The following CCDC73 variants were observed in gnomAD, a reference collection of about 807,000 sequenced individuals.
CCDC73 encodes coiled-coil domain containing 73.
CCDC73 carries 95 observed loss-of-function variants against 116.5 expected under a neutral mutation model. That is an observed-to-expected ratio of 0.82 (90% CI 0.69 to 0.97). The LOEUF (loss-of-function observed/expected upper bound fraction) is 0.97. CCDC73 is among the 50% of genes least tolerant of loss of function. The pLI is 0.00. For synonymous variants in CCDC73, 398 were observed against 401.3 expected, an observed-to-expected ratio of 0.99 and a Z score of 0.10; for missense variants, 1,066 against 1,206.8, an observed-to-expected ratio of 0.88 and a Z score of 1.73.
intron 2 of CCDC73, among the ~76,000 whole-genome samples, chr11:32,749,276 T>G (rs1196923017): frequency 6.6e-6 from 1 of 152,026 alleles, no homozygotes; most frequent in East Asian, 1.9e-4. Flanking sequence ...TCACTAATTC[T>G]TTCTTCTGCT....
the CCDC73 span, among the ~76,000 whole-genome samples, chr11:32,808,405 G>A: frequency 1.3e-5 from 2 of 152,226 alleles, no homozygotes; most frequent in Non-Finnish European, 2.9e-5. Context: ...TTGGGAGGCC[G>A]AGGTGGGCAG....
intron 13 of CCDC73, among the ~76,000 whole-genome samples, chr11:32,637,609 CACACAT>C (rs976182047): frequency 3.9e-5 from 6 of 151,980 alleles, no homozygotes; most frequent in African/African-American, 1.4e-4. Flanking sequence ...AACACACACA[CACACAT>C]ACACATACAC....
At chr11:32,680,175 A>G (rs183107723) in intron 7 of CCDC73, 4 of 152,336 alleles carry the variant, frequency 2.6e-5, no homozygotes, top group African/African-American at 9.6e-5. Flanking sequence ...GACTATCAAC[A>G]AATGGTTTAA....
chr11:32,665,018 A>C (rs1855967030), intron 9 of CCDC73, among the ~76,000 whole-genome samples: 1 of 152,174 alleles, frequency 6.6e-6, no homozygotes, highest in African/African-American at 2.4e-5. Context: ...CTGTGGTTTG[A>C]GAGACAGTTT....
At chr11:32,757,616 G>A (rs188423338) in intron 2 of CCDC73, among the ~76,000 whole-genome samples, 1 of 152,202 alleles carries the variant, frequency 6.6e-6, no homozygotes, top group African/African-American at 2.4e-5. Context: ...ACAGTCTCTG[G>A]GGGAGAATCC....
intron 3 of CCDC73, among the ~76,000 whole-genome samples, chr11:32,707,382 A>C (rs1590605594): frequency 6.7e-6 from 1 of 149,610 alleles, no homozygotes; most frequent in Non-Finnish European, 1.5e-5. Flanking sequence ...ACTCGAAGTT[A>C]CTTTTTTTTT....
At chr11:32,648,396 G>C (rs1290406116) in intron 12 of CCDC73, among the ~76,000 whole-genome samples, 1 of 152,128 alleles carries the variant, frequency 6.6e-6, no homozygotes, top group Non-Finnish European at 1.5e-5. Context: ...TAGAAGTCCT[G>C]ACCAGGCAAT....
At chr11:32,738,053 A>G (rs955102059) in intron 2 of CCDC73, among the ~76,000 whole-genome samples, 2 of 152,208 alleles carry the variant, frequency 1.3e-5, no homozygotes, top group Non-Finnish European at 2.9e-5. Flanking sequence ...TGAGTTATAC[A>G]TTCATATACA....
At chr11:32,724,745 A>G (rs1850016783) in intron 2 of CCDC73, among the ~76,000 whole-genome samples, 1 of 152,172 alleles carries the variant, frequency 6.6e-6, no homozygotes, top group Non-Finnish European at 1.5e-5. Context: ...TTTCCAGGTC[A>G]ACATAATTCC....
intron 1 of CCDC73, among the ~76,000 whole-genome samples, chr11:32,776,966 C>CTATAT (rs1850539443): frequency 8.1e-6 from 1 of 123,592 alleles, no homozygotes; most frequent in Non-Finnish European, 1.7e-5. Flanking sequence ...TATATACACA[C>CTATAT]ACACACATAT....
At chr11:32,753,576 T>C (rs1185431528) in intron 2 of CCDC73, among the ~76,000 whole-genome samples, 1 of 152,154 alleles carries the variant, frequency 6.6e-6, no homozygotes, top group East Asian at 1.9e-4. Flanking sequence ...GTGATTCTTC[T>C]GCCTCAGCCT....
rs1343138419 is a variant in CCDC73 at position 32,681,316 on chromosome 11, G to A, written c.429+2220C>T. 3 of 151,930 alleles carry A rather than the reference G, an allele frequency of 2.0e-5. No individual in the cohort carries two copies. In the East Asian group the frequency reaches 5.8e-4, roughly 29 times the overall value. The allele number at this position is 151,930 out of a possible 1,614,324, so 9.4% of individuals were successfully genotyped here. On this transcript the variant is annotated intron_variant, in intron 7 of 17. Transcript: ENST00000335185. ...TATGTAGTAATCACTAAACACAGCA[G>A]GAAAAATTTGTATCAATGACCAGAT... is the stretch of plus-strand genomic sequence containing the variant.
chr11:32,773,779 C>CAAA (rs11448530), intron 1 of CCDC73, among the ~76,000 whole-genome samples: 2 of 144,480 alleles, frequency 1.4e-5, no homozygotes, highest in East Asian at 2.0e-4. Context: ...GATGCTGTCT[C>CAAA]AAAAAAAAAA....
intron 7 of CCDC73, chr11:32,681,726 A>C (rs535668939): frequency 1.9e-4 from 29 of 152,074 alleles, no homozygotes; most frequent in African/African-American, 6.5e-4. Context: ...ATAAAAGAAT[A>C]ATGTACTGCT....
chr11:32,830,187 C>A, the CCDC73 span: 1 of 1,052,222 alleles, frequency 9.5e-7, no homozygotes, highest in Non-Finnish European at 1.1e-6. Flanking sequence ...CGAGGCCTGG[C>A]GGCAGGACCT....
chr11:32,634,192 G>A (rs896383166), intron 14 of CCDC73, among the ~76,000 whole-genome samples: 13 of 151,842 alleles, frequency 8.6e-5, no homozygotes, highest in African/African-American at 2.4e-4. Context: ...TACTCTTGAC[G>A]CAAAAACCAG....
At chr11:32,774,139 C>T (rs1221017426) in intron 1 of CCDC73, among the ~76,000 whole-genome samples, 1 of 152,162 alleles carries the variant, frequency 6.6e-6, no homozygotes, top group Non-Finnish European at 1.5e-5. Flanking sequence ...ACTAGAATTG[C>T]CATGGATCCA....
intron 2 of CCDC73, among the ~76,000 whole-genome samples, chr11:32,737,454 A>G (rs912845035): frequency 3.9e-5 from 6 of 152,064 alleles, no homozygotes; most frequent in African/African-American, 1.4e-4. Context: ...CTCTACTAAA[A>G]ATACAAAAAT....
At position 32,654,857 on chromosome 11, in the gene CCDC73, T is replaced by C. The variant is rs1369800751; in HGVS notation, c.761A>G (p.Glu254Gly). The change falls in exon 10 of 18, where the codon GAA becomes GGA. Residue 254 changes from glutamate (E) to glycine (G), a missense_variant. Coordinates refer to ENST00000335185, the MANE Select transcript of CCDC73 (RefSeq NM_001008391.4). ...TTAATAAAATACCATGTTGAGTCTT[T>C]CTTGAAGTTCTTGAAATTTTTGTTC... ...IKEQKFQELQERLNMELELNE... is the reference protein window; with the variant it reads ...IKEQKFQELQGRLNMELELNE... 1 of 1,546,894 alleles carries C rather than the reference T, an allele frequency of 6.5e-7. No homozygotes were observed. Among genetic ancestry groups the C allele is most frequent in the African/African-American group, 1.4e-5 (1 of 72,254 alleles).
Sources: allele counts gnomAD v4.1 joint callset (sites outside exome capture counted in the v4.1 genomes callset), GRCh38; gene constraint gnomAD v4.1.1; transcripts MANE v1.5; gene names NCBI Gene and HGNC (gene_info 2026-07-23, HGNC 2026-07-21).